SEMA5A: variants seen among roughly 807,000 people sequenced by gnomAD.
SEMA5A encodes semaphorin-5A.
Under a neutral mutation model 135.5 loss-of-function variants are expected in SEMA5A, and 55 were observed. The observed-to-expected ratio is 0.41, with a 90% CI of 0.33 to 0.51. The LOEUF is 0.51. Among genes scored for constraint, SEMA5A ranks in the 20% least tolerant of loss-of-function variants. The pLI is 0.37. For missense variants in SEMA5A, 1,290 were observed against 1,419.9 expected, an observed-to-expected ratio of 0.91 and a Z score of 1.47; for synonymous variants, 580 against 546.5, an observed-to-expected ratio of 1.06 and a Z score of -0.85.
chr5:9,251,631 A>G (rs1748793396), intron 5 of SEMA5A, among the ~76,000 whole-genome samples: 1 of 152,212 alleles, frequency 6.6e-6, no homozygotes, highest in African/African-American at 2.4e-5. Context: ...AAAGCCATCA[A>G]TCAATCTGGA....
At chr5:9,256,508 G>A (rs1201733351) in intron 5 of SEMA5A, among the ~76,000 whole-genome samples, 2 of 152,146 alleles carry the variant, frequency 1.3e-5, no homozygotes, top group African/African-American at 4.8e-5. Context: ...TATAAGAGTA[G>A]ACCATTCTTT....
intron 1 of SEMA5A, 32 bp from the exon 2 acceptor site, chr5:9,437,884 A>G (rs1579539804): frequency 6.6e-6 from 1 of 152,252 alleles, no homozygotes; most frequent in African/African-American, 2.4e-5. Context: ...GATCCTGTCA[A>G]CCCATTTTAA....
At chr5:9,504,603 A>T (rs1029009262) in intron 1 of SEMA5A, among the ~76,000 whole-genome samples, 1 of 152,210 alleles carries the variant, frequency 6.6e-6, no homozygotes, top group African/African-American at 2.4e-5. Context: ...GCTTCGTAGG[A>T]CTTACACAGA....
At chr5:9,474,471 T>C (rs1379657296) in intron 1 of SEMA5A, among the ~76,000 whole-genome samples, 2 of 145,592 alleles carry the variant, frequency 1.4e-5, no homozygotes, top group African/African-American at 5.1e-5. Flanking sequence ...AATAGGCACA[T>C]GTGAGAAGCA....
At chr5:9,345,640 T>C (rs1036031939) in intron 3 of SEMA5A, among the ~76,000 whole-genome samples, 1 of 151,964 alleles carries the variant, frequency 6.6e-6, no homozygotes, top group Non-Finnish European at 1.5e-5. Flanking sequence ...TAGTTATCAA[T>C]ATATCTCAGT....
Position 9,052,168 on chromosome 5 carries a change from A to T in SEMA5A, c.2690-140T>A, listed in dbSNP as rs960577985. 9.8e-6 allele frequency: 9 copies of T among 920,524 alleles called. No homozygotes were observed. The Admixed American group carries it at 9.8e-5, about 10-fold the overall frequency. 57.0% of individuals were successfully genotyped at this position (920,524 alleles called of 1,614,324 possible). ...TTTAATGGTTCTGTGCATCAGTAAG[A>T]TGTAGTTGTATCATCTAACAGATCC... On this transcript the variant is annotated intron_variant, in intron 19 of 22. Coordinates refer to ENST00000382496, the MANE Select transcript of SEMA5A (RefSeq NM_003966.3).
At chr5:9,528,642 C>A (rs1331829619) in intron 1 of SEMA5A, among the ~76,000 whole-genome samples, 2 of 152,162 alleles carry the variant, frequency 1.3e-5, no homozygotes, top group East Asian at 3.9e-4. Flanking sequence ...GACAGAGAGG[C>A]CATGTGGCAG....
At chr5:9,195,809 A>G (rs1745357061) in intron 10 of SEMA5A, among the ~76,000 whole-genome samples, 1 of 152,248 alleles carries the variant, frequency 6.6e-6, no homozygotes, top group Admixed American at 6.5e-5. Context: ...GTATAAAATC[A>G]CTGAACCTTT....
intron 4 of SEMA5A, among the ~76,000 whole-genome samples, chr5:9,324,443 A>T (rs1752779135): frequency 1.3e-5 from 2 of 152,168 alleles, no homozygotes; most frequent in Non-Finnish European, 2.9e-5. Flanking sequence ...GAACCTAAGA[A>T]TCTGATAAAA....
In SEMA5A at chr5:9,322,796, T is replaced by C. The variant is rs151174914; in HGVS notation, c.225-4379A>G. 2.1e-3 allele frequency among the ~76,000 whole-genome samples: 321 copies of C among 152,274 alleles called. 1 individual carries two copies. Among genetic ancestry groups the C allele is most frequent in the African/African-American group, 7.3e-3 (304 of 41,568 alleles). On this transcript the variant is annotated intron_variant, in intron 4 of 22. Transcript: ENST00000382496. ...GCCTCAAGGCCCCACCTATTAGTTA[T>C]TCAATGTCACCTTCCTAATTTCACC... is the stretch of plus-strand genomic sequence containing the variant.
chr5:9,364,152 C>G (rs922923837), intron 3 of SEMA5A, among the ~76,000 whole-genome samples: 1 of 152,118 alleles, frequency 6.6e-6, no homozygotes, highest in Admixed American at 6.5e-5. Flanking sequence ...CTTTAACAAC[C>G]ATGTAAATTT....
In SEMA5A at chr5:9,115,804, T is replaced by G. The variant is rs1482393032; in HGVS notation, c.1925+3194A>C. ...TCTGCCTCCTGATATTCATACCCTG[T>G]GTCATCACCTCCTCTAGGTTGTGGA... On this transcript the variant is annotated intron_variant, in intron 15 of 22. Coordinates refer to ENST00000382496, the MANE Select transcript of SEMA5A (RefSeq NM_003966.3). Among the ~76,000 whole-genome samples the G allele has an allele frequency of 2.0e-5, 3 of 152,202 alleles. No individual in the cohort carries two copies. The East Asian group carries it at 5.8e-4, about 29-fold the overall frequency.
intron 13 of SEMA5A, among the ~76,000 whole-genome samples, chr5:9,135,175 C>A (rs1741659869): frequency 7.1e-6 from 1 of 141,336 alleles, no homozygotes; most frequent in African/African-American, 2.7e-5. Context: ...GGTTTTCCGA[C>A]TTTCTTTTTT....
intron 2 of SEMA5A, chr5:9,422,490 G>A (rs190720949): frequency 3.9e-5 from 6 of 152,178 alleles, no homozygotes; most frequent in African/African-American, 1.4e-4. Context: ...AGAAAGAACC[G>A]ACTGTCTTTT....
Position 9,050,420 on chromosome 5 carries a change from T to G in SEMA5A, c.2883A>C (p.Lys961Asn), listed in dbSNP as rs565268012. The part of the protein sequence containing the change: ...SVARSSSVEE[K>N]RCGEFNMFHM... ...AAAGGAATAACGTACCTCCACACCT[T>G]TTCTCTTCTACGCTACTGGATCTTG... is the stretch of plus-strand genomic sequence containing the variant. Residue 961 changes from lysine (K) to asparagine (N), a missense_variant, in exon 21 of 23, where the codon AAA becomes AAC. Physicochemically the swap from Lys to Asn is moderately conservative, Grantham distance 94 (BLOSUM62 0). Around this residue, in one of 3 missense-constraint regions of SEMA5A, gnomAD observed 1,029 missense variants for 1,086.6 expected, o/e 0.95. Transcript: ENST00000382496. 6.2e-7 allele frequency: 1 copy of G among 1,612,864 alleles called. No individual in the cohort carries two copies. Among genetic ancestry groups the G allele is most frequent in the East Asian group, 2.2e-5 (1 of 44,862 alleles).
intron 4 of SEMA5A, among the ~76,000 whole-genome samples, chr5:9,319,250 T>C (rs372996144): frequency 2.0e-5 from 3 of 152,148 alleles, no homozygotes; most frequent in Admixed American, 6.5e-5. Flanking sequence ...ACTTGCATTA[T>C]ATAGGATTTG....
chr5:9,182,131 G>C, intron 11 of SEMA5A, among the ~76,000 whole-genome samples: 1 of 148,698 alleles, frequency 6.7e-6, no homozygotes, highest in Non-Finnish European at 1.5e-5. Flanking sequence ...TAATGCAACT[G>C]CTTGTTTTAT....
intron 2 of SEMA5A, among the ~76,000 whole-genome samples, chr5:9,425,217 C>T (rs111988431): frequency 6.6e-6 from 1 of 152,116 alleles, no homozygotes; most frequent in African/African-American, 2.4e-5. Flanking sequence ...TAGCACTTAA[C>T]CACTGGACAA....
intron 2 of SEMA5A, among the ~76,000 whole-genome samples, chr5:9,417,075 TTTA>T (rs1394411265): frequency 1.3e-5 from 2 of 152,258 alleles, no homozygotes; most frequent in Non-Finnish European, 2.9e-5. Context: ...CTAATTTTCT[TTTA>T]TATCCTACAC....
Sources: allele counts gnomAD v4.1 joint callset (sites outside exome capture counted in the v4.1 genomes callset), GRCh38; gene constraint gnomAD v4.1.1; regional missense constraint gnomAD v4.1.1; transcripts MANE v1.5; gene names NCBI Gene and HGNC (gene_info 2026-07-23, HGNC 2026-07-21).